The following UBXN7 variants were observed in gnomAD, a reference collection of about 807,000 sequenced individuals.
The protein encoded by UBXN7 is UBX domain protein 7.
Under a neutral mutation model 58.0 loss-of-function variants are expected in UBXN7, and 9 were observed. That is an observed-to-expected ratio of 0.16 (90% CI 0.09 to 0.27). The LOEUF (loss-of-function observed/expected upper bound fraction) is 0.27, where lower values mean the gene tolerates loss of function less well. Ranked by LOEUF, UBXN7 falls within the 10% of genes least tolerant of loss-of-function variation. The pLI is 1.00. For missense variants in UBXN7, 328 were observed against 599.6 expected, an observed-to-expected ratio of 0.55 and a Z score of 4.73; for synonymous variants, 208 against 205.0, an observed-to-expected ratio of 1.01 and a Z score of -0.12.
chr3:196,369,294 A>T, intron 7 of UBXN7, 127 bp downstream of exon 7: 1 of 763,228 alleles, frequency 1.3e-6, no homozygotes, highest in Non-Finnish European at 2.2e-6. Flanking sequence ...TAAAGGGAAA[A>T]AAACGAAACC....
chr3:196,406,811 G>A (rs957017486), intron 2 of UBXN7, among the ~76,000 whole-genome samples: 1 of 152,174 alleles, frequency 6.6e-6, no homozygotes, highest in East Asian at 1.9e-4. Flanking sequence ...CTAAAATTGG[G>A]AAATCTGAAC....
At chr3:196,395,228 C>A (rs1442255007) in intron 3 of UBXN7, among the ~76,000 whole-genome samples, 1 of 152,134 alleles carries the variant, frequency 6.6e-6, no homozygotes, top group African/African-American at 2.4e-5. Context: ...CCCAATAACT[C>A]GTGTTTGTGA....
chr3:196,401,183 G>A (rs1379246382), intron 3 of UBXN7, among the ~76,000 whole-genome samples: 9 of 138,076 alleles, frequency 6.5e-5, no homozygotes, highest in South Asian at 2.4e-4. Context: ...AGGCCGAGGC[G>A]GGCGGCTCAC....
intron 7 of UBXN7, among the ~76,000 whole-genome samples, chr3:196,369,050 G>T (rs1217282040): frequency 1.2e-4 from 18 of 152,032 alleles, no homozygotes; most frequent in Non-Finnish European, 2.9e-5. Context: ...GGTCTGGATC[G>T]CCTGACCTCA....
At chr3:196,387,557 T>C (rs1367350252) in intron 5 of UBXN7, among the ~76,000 whole-genome samples, 1 of 152,050 alleles carries the variant, frequency 6.6e-6, no homozygotes, top group Non-Finnish European at 1.5e-5. Context: ...AAGGCTAATA[T>C]CCAGAATCTA....
intron 1 of UBXN7, among the ~76,000 whole-genome samples, chr3:196,416,564 T>C (rs933429723): frequency 8.5e-5 from 13 of 152,250 alleles, no homozygotes; most frequent in African/African-American, 2.9e-4. Context: ...TTTAGAGAAT[T>C]TGTGGGTTCT....
chr3:196,402,067 A>G (rs12638961), intron 3 of UBXN7, among the ~76,000 whole-genome samples: 77,461 of 151,938 alleles, frequency 0.51, 20,322 homozygotes, highest in East Asian at 0.88. Flanking sequence ...TGCTGCCCAG[A>G]CTGGAGTGCA....
At position 196,366,040 on chromosome 3, in the gene UBXN7, AAAC is replaced by A. The variant is rs559041923; in HGVS notation, c.834+1985_834+1987del. Among the ~76,000 whole-genome samples, 163 of 152,300 alleles carry A rather than the reference AAAC, an allele frequency of 1.1e-3. 2 individuals carry two copies. In the Middle Eastern group the frequency reaches 0.034, roughly 32 times the overall value. On this transcript the variant is annotated intron_variant, in intron 8 of 10. Transcript: ENST00000296328. ...TATAAAGCATTACATGGAAGAAAGG[AAAC>A]AACAACAACAAAATGCTCTCAAAAA...
intron 9 of UBXN7, 80 bp from the exon 10 acceptor site, chr3:196,362,003 A>G: frequency 7.5e-7 from 1 of 1,342,188 alleles, no homozygotes; most frequent in Non-Finnish European, 1.0e-6. Context: ...AAATATGTAA[A>G]TAAATACAGC....
At chr3:196,375,121 T>C (rs1479590194) in intron 5 of UBXN7, among the ~76,000 whole-genome samples, 1 of 151,252 alleles carries the variant, frequency 6.6e-6, no homozygotes, top group Admixed American at 6.6e-5. Context: ...ATGAGGACTA[T>C]ACTTAATAAT....
chr3:196,404,787 C>T lies in UBXN7; in HGVS notation c.222-1768G>A, dbSNP rs571792316. On this transcript the variant is annotated intron_variant, in intron 2 of 10. Coordinates refer to ENST00000296328, the MANE Select transcript of UBXN7 (RefSeq NM_015562.2). The stretch of plus-strand genomic sequence containing the variant: ...TAAGTACCCTTTCCTACTGCTCACA[C>T]ACAAAATTTCGATAATCTGAAGAAA... Among the ~76,000 whole-genome samples the T allele has an allele frequency of 2.5e-4, 38 of 152,232 alleles. No individual in the cohort carries two copies. In the South Asian group the frequency reaches 7.1e-3, roughly 28 times the overall value.
At chr3:196,429,387 T>C (rs1287113260) in intron 1 of UBXN7, among the ~76,000 whole-genome samples, 1 of 152,226 alleles carries the variant, frequency 6.6e-6, no homozygotes, top group Non-Finnish European at 1.5e-5. Flanking sequence ...AGATCTGTTC[T>C]ATTCAGTAAG....
chr3:196,425,417 CTTT>C (rs904495702), intron 1 of UBXN7, among the ~76,000 whole-genome samples: 1 of 151,654 alleles, frequency 6.6e-6, no homozygotes, highest in Non-Finnish European at 1.5e-5. Flanking sequence ...GATGTAACTC[CTTT>C]TTTAATAAAT....
intron 5 of UBXN7, 137 bp from the exon 6 acceptor site, chr3:196,372,179 T>C: frequency 2.2e-6 from 2 of 898,588 alleles, no homozygotes; most frequent in East Asian, 5.6e-5. Flanking sequence ...GTTTTCAGCA[T>C]TTATACATTC....
chr3:196,429,479 TTTTTTC>T (rs1369651693), intron 1 of UBXN7, among the ~76,000 whole-genome samples: 1 of 152,220 alleles, frequency 6.6e-6, no homozygotes, highest in Non-Finnish European at 1.5e-5. Context: ...TTTATTTTTA[TTTTTTC>T]TTTTTCTTTT....
chr3:196,373,211 G>T (rs1728894584), intron 5 of UBXN7, among the ~76,000 whole-genome samples: 1 of 152,154 alleles, frequency 6.6e-6, no homozygotes, highest in Non-Finnish European at 1.5e-5. Context: ...AAACTGCTGA[G>T]AGTTTTTTCT....
At chr3:196,412,964 CA>C (rs1730378024) in intron 1 of UBXN7, among the ~76,000 whole-genome samples, 1 of 152,040 alleles carries the variant, frequency 6.6e-6, no homozygotes, top group Non-Finnish European at 1.5e-5. Flanking sequence ...TTCAGTTTTA[CA>C]AAACAAAGAG....
intron 2 of UBXN7, among the ~76,000 whole-genome samples, chr3:196,403,648 T>A (rs993473333): frequency 1.7e-4 from 26 of 151,458 alleles, no homozygotes; most frequent in Admixed American, 1.6e-3. Context: ...AACAGAAAAA[T>A]ATAGGCTTAA....
intron 8 of UBXN7, among the ~76,000 whole-genome samples, chr3:196,366,995 C>A (rs897949879): frequency 2.0e-5 from 3 of 152,090 alleles, no homozygotes; most frequent in Admixed American, 6.6e-5. Context: ...CCAGCCTGCC[C>A]AACAAGGCGA....
Sources: allele counts gnomAD v4.1 joint callset (sites outside exome capture counted in the v4.1 genomes callset), GRCh38; gene constraint gnomAD v4.1.1; transcripts MANE v1.5; gene names NCBI Gene and HGNC (gene_info 2026-07-23, HGNC 2026-07-21).